Variants in PLPPR4 observed in about 807,000 individuals in gnomAD.
The protein encoded by PLPPR4 is phospholipid phosphatase related 4.
PLPPR4 carries 24 observed loss-of-function variants against 56.6 expected under a neutral mutation model. The ratio of observed to expected loss-of-function variants is 0.42; its 90% CI spans 0.31 to 0.60. The LOEUF (loss-of-function observed/expected upper bound fraction) is 0.60, where lower values mean the gene tolerates loss of function less well. Ranked by LOEUF, PLPPR4 falls within the 20% of genes least tolerant of loss-of-function variation. The pLI is 0.13. For missense variants in PLPPR4, 654 were observed against 885.8 expected (o/e 0.74, Z 3.32); for synonymous variants, 326 against 328.1 (o/e 0.99, Z 0.07).
chr1:99,302,024 C>G, intron 6 of PLPPR4, 127 bp downstream of exon 6: 1 of 545,622 alleles, frequency 1.8e-6, no homozygotes, highest in Non-Finnish European at 3.0e-6. Flanking sequence ...GCCGCATCTC[C>G]ATTCTATGCC....
intron 3 of PLPPR4, 84 bp downstream of exon 3, chr1:99,296,951 T>C: frequency 8.0e-7 from 1 of 1,246,770 alleles, no homozygotes; most frequent in Non-Finnish European, 1.1e-6. Context: ...TTAAGTCTCG[T>C]ACGCTATAAT....
At chr1:99,269,733 G>A (rs981334152) in intron 1 of PLPPR4, among the ~76,000 whole-genome samples, 1 of 152,210 alleles carries the variant, frequency 6.6e-6, no homozygotes, top group Non-Finnish European at 1.5e-5. Context: ...AGGCAGAAGA[G>A]TTATGCTTGA....
At chr1:99,303,261 A>C (rs1227754179) in intron 6 of PLPPR4, among the ~76,000 whole-genome samples, 1 of 152,130 alleles carries the variant, frequency 6.6e-6, no homozygotes, top group Non-Finnish European at 1.5e-5. Context: ...GAGGAATGAG[A>C]CATAATGGCC....
At chr1:99,275,465 C>A (rs1659162229) in intron 1 of PLPPR4, among the ~76,000 whole-genome samples, 1 of 152,096 alleles carries the variant, frequency 6.6e-6, no homozygotes, top group African/African-American at 2.4e-5. Flanking sequence ...AAACTCCAGC[C>A]TGTAGAACAA....
intron 1 of PLPPR4, among the ~76,000 whole-genome samples, chr1:99,272,795 C>T (rs1382951855): frequency 6.6e-6 from 1 of 152,032 alleles, no homozygotes; most frequent in Non-Finnish European, 1.5e-5. Context: ...TTTGAATTTT[C>T]CCTTATACTT....
chr1:99,288,123 C>T lies in PLPPR4; in HGVS notation c.237C>T (p.Ser79=), dbSNP rs202236446. 1.4e-5 allele frequency: 23 copies of T among 1,613,554 alleles called. No homozygotes were observed. Among genetic ancestry groups the T allele is most frequent in the Non-Finnish European group, 1.9e-5 (23 of 1,179,734 alleles). The change falls in exon 2 of 7, where the codon AGC becomes AGT. Residue 79 remains serine (S), a synonymous_variant. Transcript: ENST00000370185. ...QEAIPFLMLL[S]LAFAGPAITI... is the part of the protein sequence containing the mutation. ...CAATTCCATTCCTCATGTTGCTTAG[C>T]TTGGCTTTTGCTGGACCTGCAATTA...
At chr1:99,302,600 G>T (rs1659912665) in intron 6 of PLPPR4, among the ~76,000 whole-genome samples, 1 of 150,010 alleles carries the variant, frequency 6.7e-6, no homozygotes, top group South Asian at 2.1e-4. Context: ...TGTCATGCTG[G>T]TGTGCTGCAC....
chr1:99,307,239 T>G lies in PLPPR4; in HGVS notation c.*229T>G. On this transcript the variant is annotated 3_prime_UTR_variant, in exon 7 of 7. Coordinates refer to ENST00000370185, the MANE Select transcript of PLPPR4 (RefSeq NM_014839.5). ...AACGTGATGATATGAAGAGTTTTCT[T>G]AAGACCTGTCGTCAAACTTAAAAGG... 2.0e-6 allele frequency: 1 copy of G among 495,944 alleles called. No individual in the cohort carries two copies. Among genetic ancestry groups the G allele is most frequent in the Non-Finnish European group, 3.5e-6 (1 of 287,754 alleles). The allele number at this position is 495,944 out of a possible 1,614,324, so 30.7% of individuals were successfully genotyped here. A position where few individuals can be genotyped will look rare whatever the true frequency, so the allele number is the denominator to read the frequency against.
intron 6 of PLPPR4, among the ~76,000 whole-genome samples, chr1:99,305,009 A>T (rs1442858700): frequency 6.6e-6 from 1 of 152,208 alleles, no homozygotes; most frequent in Non-Finnish European, 1.5e-5. Flanking sequence ...TCTGGCTCAC[A>T]TTTAGTGCAA....
In PLPPR4 at chr1:99,307,603, G is replaced by C. The variant is rs774671273; in HGVS notation, c.*593G>C. The C allele has an allele frequency of 6.6e-6, 1 of 152,204 alleles. No individual in the cohort carries two copies. The highest frequency in any genetic ancestry group is 2.4e-5 in the African/African-American group (1 of 41,438). 9.4% of individuals were successfully genotyped at this position (152,204 alleles called of 1,614,324 possible). A position where few individuals can be genotyped will look rare whatever the true frequency, so the allele number is the denominator to read the frequency against. On this transcript the variant is annotated 3_prime_UTR_variant, in exon 7 of 7. Coordinates refer to ENST00000370185, the MANE Select transcript of PLPPR4 (RefSeq NM_014839.5). ...GCTTTGTGTTAGAATAGGACACCCC[G>C]CAGCTTCTCTGTAGTGGCTCTGTCA...
intron 1 of PLPPR4, among the ~76,000 whole-genome samples, chr1:99,267,400 G>T (rs542796595): frequency 1.3e-5 from 2 of 152,224 alleles, no homozygotes; most frequent in South Asian, 2.1e-4. Flanking sequence ...AGATTGACTT[G>T]GTTCAAACAC....
In PLPPR4 at chr1:99,287,989, G is replaced by C; in HGVS notation, c.103G>C (p.Val35Leu). Reference protein sequence around the residue: ...VELPILASSVVSLYFLELTDV... With the variant: ...VELPILASSVLSLYFLELTDV... ...GTTGCCTATATTGGCATCATCGGTGGTTAGCCTCTATTTCCTCGAACTCAC... is the reference window on the plus strand; with the variant it reads ...GTTGCCTATATTGGCATCATCGGTGCTTAGCCTCTATTTCCTCGAACTCAC... The change falls in exon 2 of 7, where the codon GTT becomes CTT. Residue 35 changes from valine (V) to leucine (L), a missense_variant. Transcript: ENST00000370185. The C allele has an allele frequency of 6.2e-7, 1 of 1,613,224 alleles. No homozygotes were observed. Among genetic ancestry groups the C allele is most frequent in the Non-Finnish European group, 8.5e-7 (1 of 1,179,596 alleles).
Position 99,305,797 on chromosome 1 carries a change from C to T in PLPPR4, c.935C>T (p.Ala312Val), listed in dbSNP as rs1374646420. ...CAAGATCCCAACCGACTTTTATCTG[C>T]TAAAAATGGTAGCAGCAGTGATGGA... is the stretch of plus-strand genomic sequence containing the variant. ...LNQDPNRLLS[A>V]KNGSSSDGIA... Residue 312 changes from alanine to valine, a missense_variant, in exon 7 of 7, where the codon GCT becomes GTT. By Grantham distance (64) the Ala-to-Val change is moderately conservative (BLOSUM62 0). This residue lies in a region of PLPPR4 where 468 missense variants were observed against 554.3 expected (regional missense o/e 0.84). Transcript: ENST00000370185. 2 of 1,614,020 alleles carry T rather than the reference C, an allele frequency of 1.2e-6. No individual in the cohort carries two copies. The highest frequency in any genetic ancestry group is 2.2e-5 in the South Asian group (2 of 91,078).
chr1:99,279,056 A>G (rs1659259637), intron 1 of PLPPR4, among the ~76,000 whole-genome samples: 1 of 152,200 alleles, frequency 6.6e-6, no homozygotes, highest in Admixed American at 6.5e-5. Context: ...ATACTGCAAG[A>G]ATGTCTCAAC....
At chr1:99,292,830 C>CCA (rs1557779764) in intron 2 of PLPPR4, among the ~76,000 whole-genome samples, 1 of 151,650 alleles carries the variant, frequency 6.6e-6, no homozygotes, top group Non-Finnish European at 1.5e-5. Flanking sequence ...TACATTTTCT[C>CCA]AGCAGTGATC....
intron 1 of PLPPR4, among the ~76,000 whole-genome samples, chr1:99,275,287 T>C (rs2100787618): frequency 6.6e-6 from 1 of 152,292 alleles, no homozygotes; most frequent in African/African-American, 2.4e-5. Flanking sequence ...GTTTCTAGCT[T>C]CCAGTTGAAT....
intron 1 of PLPPR4, among the ~76,000 whole-genome samples, chr1:99,281,844 TTATTAA>T (rs1436781927): frequency 1.3e-5 from 2 of 152,228 alleles, no homozygotes; most frequent in Admixed American, 6.5e-5. Flanking sequence ...TTTAAATGTG[TTATTAA>T]TATTAAAATC....
At chr1:99,286,476 A>G (rs947861169) in intron 1 of PLPPR4, among the ~76,000 whole-genome samples, 5 of 152,198 alleles carry the variant, frequency 3.3e-5, no homozygotes, top group Non-Finnish European at 5.9e-5. Flanking sequence ...TGAAAAATAA[A>G]TAAGTGAAGT....
At chr1:99,299,323 A>C (rs1217557732) in intron 4 of PLPPR4, 93 bp downstream of exon 4, 3 of 889,382 alleles carry the variant, frequency 3.4e-6, no homozygotes, top group African/African-American at 3.4e-5. Context: ...TTTCAGTCAT[A>C]ATGATTTTGT....
Sources: allele counts gnomAD v4.1 joint callset (sites outside exome capture counted in the v4.1 genomes callset), GRCh38; gene constraint gnomAD v4.1.1; regional missense constraint gnomAD v4.1.1; transcripts MANE v1.5; gene names NCBI Gene and HGNC (gene_info 2026-07-23, HGNC 2026-07-21).